The following ATAD2B variants were observed in gnomAD, a reference collection of about 807,000 sequenced individuals.
The protein encoded by ATAD2B is ATPase family AAA domain containing 2B.
In ATAD2B, 40 loss-of-function variants were observed where a neutral mutation model predicts 167.6. That is an observed-to-expected ratio of 0.24 (90% CI 0.19 to 0.31). The LOEUF (loss-of-function observed/expected upper bound fraction) is 0.31, where lower values mean the gene tolerates loss of function less well. Among genes scored for constraint, ATAD2B ranks in the 10% least tolerant of loss-of-function variants. The pLI, the probability that ATAD2B is intolerant of heterozygous loss-of-function variation, is 1.00. For missense variants in ATAD2B, 1,242 were observed against 1,757.2 expected, an observed-to-expected ratio of 0.71 and a Z score of 5.24; for synonymous variants, 579 against 596.5, an observed-to-expected ratio of 0.97 and a Z score of 0.43.
the ATAD2B span, chr2:23,703,898 CG>C: frequency 6.6e-7 from 1 of 1,521,524 alleles, no homozygotes; most frequent in East Asian, 2.5e-5. Context: ...AGGGCTGGGA[CG>C]GAGGAGTGGG....
At chr2:23,880,180 T>C (rs1697659938) in intron 7 of ATAD2B, among the ~76,000 whole-genome samples, 1 of 152,142 alleles carries the variant, frequency 6.6e-6, no homozygotes, top group Non-Finnish European at 1.5e-5. Flanking sequence ...AAACACAAGC[T>C]TCTATAAATA....
At position 23,757,799 on chromosome 2, in the gene ATAD2B, A is replaced by C. The variant is rs1483009873; in HGVS notation, c.3697T>G (p.Ser1233Ala). The part of the protein sequence containing the change: ...NGAGTKENFA[S>A]TEEESSNESL... ...TCATTTGAACTTTCCTCCTCAGTAG[A>C]TGCAAAGTTCTCTTTTGTGCCTGCT... The change falls in exon 25 of 28, where the codon TCT becomes GCT. Residue 1233 changes from serine (S) to alanine (A), a missense_variant. Ser to Ala is a moderately conservative substitution (Grantham distance 99). This residue lies in a region of ATAD2B where 282 missense variants were observed against 346.8 expected (regional missense o/e 0.81). Coordinates refer to ENST00000238789, the MANE Select transcript of ATAD2B (RefSeq NM_017552.4). 6.4e-7 allele frequency: 1 copy of C among 1,571,852 alleles called. No individual in the cohort carries two copies. The highest frequency in any genetic ancestry group is 8.6e-7 in the Non-Finnish European group (1 of 1,164,342).
chr2:23,695,198 TTTCCTGGGTCCTCCCACCTG>T, the ATAD2B span, among the ~76,000 whole-genome samples: 1 of 152,140 alleles, frequency 6.6e-6, no homozygotes, highest in African/African-American at 2.4e-5. This position sits in a 1 kb window ranked among gnomAD's most constrained non-coding sequence, Gnocchi z 7.6. Context: ...TCCTTGAAGC[TTTCCTGGGTCCTCCCACCTG>T]TTCCTGAGTC....
chr2:23,896,988 G>C (rs1177829004), intron 1 of ATAD2B, among the ~76,000 whole-genome samples: 2 of 152,242 alleles, frequency 1.3e-5, no homozygotes, highest in Middle Eastern at 3.4e-3. Flanking sequence ...TAAAAAGCCA[G>C]GTGTGGTGGT....
At chr2:23,899,596 CT>C (rs959596288) in intron 1 of ATAD2B, among the ~76,000 whole-genome samples, 149 of 151,468 alleles carry the variant, frequency 9.8e-4, no homozygotes, top group African/African-American at 3.3e-3. Flanking sequence ...TCATTTTTTT[CT>C]TTTTTTTCTC....
At chr2:23,680,301 G>A in the ATAD2B span, among the ~76,000 whole-genome samples, 3,638 of 152,198 alleles carry the variant, frequency 0.024, 80 homozygotes, top group Non-Finnish European at 0.039. This position sits in a 1 kb window ranked among gnomAD's most constrained non-coding sequence, Gnocchi z 4.1. Flanking sequence ...GCAGTGGACC[G>A]TCTTCCACGG....
chr2:23,694,952 C>T, the ATAD2B span, among the ~76,000 whole-genome samples: 4 of 152,160 alleles, frequency 2.6e-5, no homozygotes, highest in African/African-American at 7.2e-5. Flanking sequence ...GGTCTCTGCA[C>T]CCCCAGTGAT....
intron 1 of ATAD2B, among the ~76,000 whole-genome samples, chr2:23,899,919 T>C (rs896268931): frequency 6.2e-4 from 15 of 24,206 alleles, no homozygotes; most frequent in East Asian, 3.3e-3. Flanking sequence ...GTTTTCTTAC[T>C]TTTTTTTTTT....
At chr2:23,706,800 T>C in the ATAD2B span, 1 of 607,244 alleles carries the variant, frequency 1.6e-6, no homozygotes, top group East Asian at 3.1e-5. Flanking sequence ...ACATGTTGAA[T>C]ATTCTCTACA....
intron 18 of ATAD2B, among the ~76,000 whole-genome samples, chr2:23,807,378 A>G (rs1198510354): frequency 6.6e-6 from 1 of 152,202 alleles, no homozygotes; most frequent in African/African-American, 2.4e-5. Flanking sequence ...AAATTTATCT[A>G]TGTAGAACAT....
intron 17 of ATAD2B, among the ~76,000 whole-genome samples, chr2:23,819,492 C>CAAAAAAAA (rs1171377752): frequency 1.3e-5 from 1 of 76,208 alleles, no homozygotes; most frequent in Non-Finnish European, 2.8e-5. Context: ...CTCTGCCTCC[C>CAAAAAAAA]AAAAAAAAAA....
At chr2:23,775,996 A>G (rs968500265) in intron 22 of ATAD2B, among the ~76,000 whole-genome samples, 1 of 152,158 alleles carries the variant, frequency 6.6e-6, no homozygotes, top group Non-Finnish European at 1.5e-5. Context: ...CACGCCTGTA[A>G]TCCCAGCTAC....
chr2:23,714,000 C>T, the ATAD2B span, among the ~76,000 whole-genome samples: 1 of 152,128 alleles, frequency 6.6e-6, no homozygotes, highest in Non-Finnish European at 1.5e-5. Context: ...CAAAAACACA[C>T]TAACATTCAC....
intron 22 of ATAD2B, among the ~76,000 whole-genome samples, chr2:23,771,466 C>G (rs946078660): frequency 6.6e-6 from 1 of 152,046 alleles, no homozygotes; most frequent in Non-Finnish European, 1.5e-5. Context: ...AACTGAAAAG[C>G]GGGGATAGGG....
chr2:23,765,915 A>C (rs923420157), intron 22 of ATAD2B, among the ~76,000 whole-genome samples: 3 of 152,186 alleles, frequency 2.0e-5, no homozygotes, highest in Admixed American at 2.0e-4. Context: ...AATTTCTGAA[A>C]ACAGAAATAT....
the ATAD2B span, among the ~76,000 whole-genome samples, chr2:23,739,187 G>C: frequency 6.6e-6 from 1 of 152,124 alleles, no homozygotes; most frequent in Non-Finnish European, 1.5e-5. Context: ...ACTCAGCTCT[G>C]CACCAAGTGG....
At chr2:23,678,781 G>T in the ATAD2B span, among the ~76,000 whole-genome samples, 4 of 152,198 alleles carry the variant, frequency 2.6e-5, no homozygotes, top group Non-Finnish European at 5.9e-5. Context: ...GAACCTTAAG[G>T]ACATTATGCT....
chr2:23,743,923 A>G (rs1222287527), downstream of ATAD2B, among the ~76,000 whole-genome samples: 1 of 152,106 alleles, frequency 6.6e-6, no homozygotes, highest in African/African-American at 2.4e-5. Flanking sequence ...GTTCAAACTC[A>G]TGATTATACA....
chr2:23,800,802 A>G (rs1683369094), intron 18 of ATAD2B, among the ~76,000 whole-genome samples: 1 of 152,022 alleles, frequency 6.6e-6, no homozygotes, highest in South Asian at 2.1e-4. Context: ...AGCCTTTAGG[A>G]AAATGTCCTT....
Sources: gnomAD v4.1 joint callset for allele counts (sites outside exome capture counted in the v4.1 genomes callset) on GRCh38, gnomAD v4.1.1 for gene constraint, gnomAD v4.1.1 regional missense constraint, Gnocchi (gnomAD v3.1) non-coding constraint, MANE v1.5 for transcripts, NCBI Gene and HGNC (gene_info 2026-07-23, HGNC 2026-07-21) for gene names.